Variants in CLHC1 observed in about 807,000 individuals in gnomAD.
CLHC1 encodes clathrin heavy chain linker domain containing 1.
A neutral mutation model predicts 69.5 loss-of-function variants in CLHC1; 72 were observed. That is an observed-to-expected ratio of 1.04 (90% CI 0.86 to 1.26). The LOEUF (loss-of-function observed/expected upper bound fraction) is 1.26. Ranked by LOEUF, CLHC1 falls within the 50% of genes most tolerant of loss-of-function variation. The probability of loss-of-function intolerance (pLI) is 0.00; values close to 1 mark genes in which losing one functional copy is unlikely to be tolerated. For missense variants in CLHC1, 790 were observed against 679.3 expected, an observed-to-expected ratio of 1.16 and a Z score of -1.81; for synonymous variants, 223 against 224.3, an observed-to-expected ratio of 0.99 and a Z score of 0.05.
intron 1 of CLHC1, 57 bp downstream of exon 1, chr2:55,232,166 C>G: frequency 6.3e-6 from 1 of 158,246 alleles, no homozygotes. Flanking sequence ...AACATTTGCT[C>G]TAGTCACTTC....
chr2:55,177,243 T>C (rs568547289), intron 12 of CLHC1, among the ~76,000 whole-genome samples: 8 of 152,304 alleles, frequency 5.3e-5, no homozygotes, highest in African/African-American at 1.9e-4. Flanking sequence ...ACACATACAT[T>C]TGGTTTAGGA....
chr2:55,213,957 C>G (rs1413185667), intron 4 of CLHC1, among the ~76,000 whole-genome samples: 3 of 151,942 alleles, frequency 2.0e-5, no homozygotes, highest in Non-Finnish European at 4.4e-5. Flanking sequence ...ATAAATTGAC[C>G]TAAGAGGATT....
At chr2:55,200,159 T>G (rs1427986670) in intron 9 of CLHC1, among the ~76,000 whole-genome samples, 1 of 143,602 alleles carries the variant, frequency 7.0e-6, no homozygotes, top group Non-Finnish European at 1.5e-5. Flanking sequence ...GCCCAGGAGG[T>G]TGAGACTGCA....
intron 2 of CLHC1, among the ~76,000 whole-genome samples, chr2:55,226,233 A>C (rs953778752): frequency 1.3e-5 from 2 of 152,060 alleles, no homozygotes; most frequent in Non-Finnish European, 2.9e-5. Context: ...AAAAAAAAAA[A>C]ATTGTCCAAC....
intron 9 of CLHC1, among the ~76,000 whole-genome samples, chr2:55,198,768 G>T (rs1427252730): frequency 2.0e-5 from 3 of 152,022 alleles, no homozygotes; most frequent in African/African-American, 7.3e-5. Flanking sequence ...AAAGCAGCAA[G>T]AGAAAATAAA....
chr2:55,218,466 T>C (rs574925766), intron 3 of CLHC1: 4 of 152,250 alleles, frequency 2.6e-5, no homozygotes, highest in Non-Finnish European at 4.4e-5. Context: ...ATTCTCAATA[T>C]CTAATTGCAT....
rs948855547 is a variant in CLHC1 at position 55,174,931 on chromosome 2, T to C, written c.*859A>G. ...CCCAGCCAGCAGCTCATTTTAACCA[T>C]GTTCCATGGTCAAGGATGACATTTA... On this transcript the variant is annotated 3_prime_UTR_variant, in exon 13 of 13. Transcript: ENST00000401408. 3.9e-5 allele frequency: 6 copies of C among 152,170 alleles called. No homozygotes were observed. Among genetic ancestry groups the C allele is most frequent in the African/African-American group, 1.4e-4 (6 of 41,404 alleles). 9.4% of individuals were successfully genotyped at this position (152,170 alleles called of 1,614,324 possible).
At chr2:55,179,726 G>T (rs1472625762) in intron 11 of CLHC1, among the ~76,000 whole-genome samples, 2 of 151,916 alleles carry the variant, frequency 1.3e-5, no homozygotes, top group African/African-American at 2.4e-5. Context: ...CTTCCAACTA[G>T]GGTCACCCTA....
chr2:55,229,983 G>A (rs1456706514), intron 1 of CLHC1, among the ~76,000 whole-genome samples: 2 of 152,228 alleles, frequency 1.3e-5, no homozygotes, highest in African/African-American at 4.8e-5. Flanking sequence ...TGAGGCAGGA[G>A]AATCACCTAA....
intron 9 of CLHC1, among the ~76,000 whole-genome samples, chr2:55,200,261 T>TAA (rs151215512): frequency 0.35 from 35,817 of 102,862 alleles, 5,451 homozygotes; most frequent in African/African-American, 0.4. Context: ...GCTGAGTAGA[T>TAA]AAAAAAAAAA....
rs563947180 is a variant in CLHC1, at chr2:55,208,480, C to T, written c.899+146G>A. 29 of 556,486 alleles carry T rather than the reference C, an allele frequency of 5.2e-5. No homozygotes were observed. In the East Asian group the frequency reaches 7.6e-4, roughly 15 times the overall value. 34.5% of individuals were successfully genotyped at this position (556,486 alleles called of 1,614,324 possible). A position where few individuals can be genotyped will look rare whatever the true frequency, so the allele number is the denominator to read the frequency against. On this transcript the variant is annotated intron_variant, in intron 8 of 12. Coordinates refer to ENST00000401408, the MANE Select transcript of CLHC1 (RefSeq NM_152385.4). Reference sequence around the variant, plus strand: ...ATTTCAAATTTTTGGATTAGGAATGCTTAACCTGTATAAATAAAACATATC... The same window carrying T: ...ATTTCAAATTTTTGGATTAGGAATGTTTAACCTGTATAAATAAAACATATC...
intron 11 of CLHC1, among the ~76,000 whole-genome samples, chr2:55,178,031 T>A (rs1669570349): frequency 6.6e-6 from 1 of 152,056 alleles, no homozygotes; most frequent in South Asian, 2.1e-4. Flanking sequence ...CAAATAATTA[T>A]AATGAAAAAA....
At chr2:55,206,715 T>G in intron 8 of CLHC1, 1 of 233,458 alleles carries the variant, frequency 4.3e-6, no homozygotes, top group Non-Finnish European at 8.2e-6. Flanking sequence ...TTTTTTTCCC[T>G]GCATATCATC....
intron 9 of CLHC1, among the ~76,000 whole-genome samples, chr2:55,187,119 A>C (rs1055114375): frequency 2.4e-4 from 37 of 151,076 alleles, no homozygotes; most frequent in African/African-American, 6.3e-4. Context: ...ACAACAACAA[A>C]AAAATAATAA....
At chr2:55,224,853 C>A in intron 2 of CLHC1, 1 of 263,888 alleles carries the variant, frequency 3.8e-6, no homozygotes, top group Non-Finnish European at 8.0e-6. Flanking sequence ...TGAGTGCAGC[C>A]GGGGCTGGGT....
At chr2:55,210,859 T>G (rs867102905) in intron 5 of CLHC1, among the ~76,000 whole-genome samples, 8 of 152,110 alleles carry the variant, frequency 5.3e-5, no homozygotes, top group East Asian at 1.9e-4. Context: ...AATATGTAGA[T>G]ATATATATAG....
Position 55,222,222 on chromosome 2 carries a change from A to G in CLHC1, c.177+13T>C. The G allele has an allele frequency of 6.3e-7, 1 of 1,597,444 alleles. No homozygotes were observed. The highest frequency in any genetic ancestry group is 8.6e-7 in the Non-Finnish European group (1 of 1,166,614). ...CTCATGAAAACTTAATTGTCTTAAA[A>G]GCTTTATGATACCTTATCAAAAACA... On this transcript the variant is annotated intron_variant, in intron 3 of 12. Coordinates refer to ENST00000401408, the MANE Select transcript of CLHC1 (RefSeq NM_152385.4).
At chr2:55,181,015 C>G (rs1357050694) in intron 10 of CLHC1, among the ~76,000 whole-genome samples, 1 of 152,106 alleles carries the variant, frequency 6.6e-6, no homozygotes, top group Non-Finnish European at 1.5e-5. Context: ...GAGTCTCGCT[C>G]TGTCACCCAG....
intron 11 of CLHC1, 63 bp downstream of exon 11, chr2:55,180,446 TG>T (rs1486380049): frequency 1.7e-6 from 2 of 1,169,756 alleles, no homozygotes; most frequent in African/African-American, 1.5e-5. Flanking sequence ...CTTGCTATTA[TG>T]GGTAATCTTA....
Sources: gnomAD v4.1 joint callset for allele counts (sites outside exome capture counted in the v4.1 genomes callset) on GRCh38, gnomAD v4.1.1 for gene constraint, MANE v1.5 for transcripts, NCBI Gene and HGNC (gene_info 2026-07-23, HGNC 2026-07-21) for gene names.